Variants in ERC2 observed in about 807,000 individuals in gnomAD.
ERC2 encodes the protein ERC protein 2.
A neutral mutation model predicts 114.8 loss-of-function variants in ERC2; 42 were observed. The ratio of observed to expected loss-of-function variants is 0.37; its 90% confidence interval spans 0.29 to 0.47. The LOEUF (loss-of-function observed/expected upper bound fraction) is 0.47, where lower values mean the gene tolerates loss of function less well. ERC2 is among the 20% of genes least tolerant of loss of function. The pLI is 0.99. For synonymous variants in ERC2, 454 were observed against 425.5 expected (o/e 1.07, Z -0.82); for missense variants, 939 against 1,150.7 (o/e 0.82, Z 2.66).
At chr3:56,026,482 G>T (rs748649243) in intron 7 of ERC2, among the ~76,000 whole-genome samples, 3 of 152,164 alleles carry the variant, frequency 2.0e-5, no homozygotes, top group African/African-American at 7.2e-5. Flanking sequence ...CAGTCAAAAA[G>T]CAGCCTCACA....
intron 7 of ERC2, among the ~76,000 whole-genome samples, chr3:56,053,806 T>A (rs1450292482): frequency 6.6e-6 from 1 of 152,112 alleles, no homozygotes; most frequent in Admixed American, 6.5e-5. Flanking sequence ...TTTTTTTTTT[T>A]AAGTAAAACC....
rs2051932139 is a variant in ERC2 at position 55,509,180 on chromosome 3, G to C, written c.*2136C>G. The C allele has an allele frequency of 6.6e-6, 1 of 152,308 alleles. No homozygotes were observed. The highest frequency in any genetic ancestry group is 1.5e-5 in the Non-Finnish European group (1 of 67,978). The allele number at this position is 152,308 out of a possible 1,614,324, so 9.4% of individuals were successfully genotyped here. ...GGCAGAAAATGATCCCTCCAAACAAGAGCTGTGACAAAATTGGCACATACA... is the reference window on the plus strand; with the variant it reads ...GGCAGAAAATGATCCCTCCAAACAACAGCTGTGACAAAATTGGCACATACA... On this transcript the variant is annotated 3_prime_UTR_variant, in exon 18 of 18. Coordinates refer to ENST00000288221, the MANE Select transcript of ERC2 (RefSeq NM_015576.3).
intron 3 of ERC2, 62 bp from the exon 4 acceptor site, chr3:56,173,582 T>G: frequency 6.7e-7 from 1 of 1,497,706 alleles, no homozygotes; most frequent in Non-Finnish European, 9.3e-7. Context: ...CCACAACCTT[T>G]ACACAGGTAC....
At chr3:55,764,584 C>T (rs1398045500) in intron 14 of ERC2, among the ~76,000 whole-genome samples, 3 of 152,176 alleles carry the variant, frequency 2.0e-5, no homozygotes, top group Admixed American at 6.5e-5. Context: ...TCTTCCTTTT[C>T]CAGACAGAGA....
At chr3:56,194,108 C>T (rs557613917) in intron 3 of ERC2, among the ~76,000 whole-genome samples, 7 of 152,286 alleles carry the variant, frequency 4.6e-5, no homozygotes, top group Admixed American at 4.6e-4. Context: ...GTTTTATTCA[C>T]TGCTATATCC....
At chr3:55,853,836 G>C (rs1480299254) in intron 14 of ERC2, among the ~76,000 whole-genome samples, 1 of 152,154 alleles carries the variant, frequency 6.6e-6, no homozygotes, top group African/African-American at 2.4e-5. Context: ...AGAAGTGGGT[G>C]GTGGTGATGG....
At chr3:56,016,057 G>T (rs574732887) in intron 8 of ERC2, among the ~76,000 whole-genome samples, 11 of 152,250 alleles carry the variant, frequency 7.2e-5, no homozygotes, top group Middle Eastern at 6.8e-3. Context: ...GGGGTTGTTT[G>T]TTTGTTTCTT....
At chr3:56,445,759 C>A (rs757020232) in intron 1 of ERC2, among the ~76,000 whole-genome samples, 1 of 152,114 alleles carries the variant, frequency 6.6e-6, no homozygotes, top group East Asian at 1.9e-4. Flanking sequence ...TGTCTCAGAG[C>A]CTTCACTCCT....
At chr3:56,237,343 C>T (rs548561681) in intron 3 of ERC2, among the ~76,000 whole-genome samples, 1 of 152,226 alleles carries the variant, frequency 6.6e-6, no homozygotes, top group South Asian at 2.1e-4. Context: ...CTAATAGTTG[C>T]TTATACTTTC....
intron 12 of ERC2, among the ~76,000 whole-genome samples, chr3:55,972,398 G>A (rs1251821278): frequency 6.6e-6 from 1 of 152,108 alleles, no homozygotes; most frequent in Non-Finnish European, 1.5e-5. Context: ...ACATGCATTA[G>A]ATATTTGTCC....
intron 17 of ERC2, among the ~76,000 whole-genome samples, chr3:55,521,156 GGTCTC>G (rs1443340591): frequency 6.6e-6 from 1 of 152,152 alleles, no homozygotes; most frequent in African/African-American, 2.4e-5. Context: ...ACTAATTAGG[GGTCTC>G]GTTTGAAGAT....
intron 3 of ERC2, among the ~76,000 whole-genome samples, chr3:56,216,838 A>T (rs1199203961): frequency 2.0e-5 from 3 of 152,302 alleles, no homozygotes; most frequent in South Asian, 2.1e-4. Flanking sequence ...TGGTTCAACA[A>T]ACGCAAATCA....
At chr3:55,802,060 A>G (rs940904159) in intron 14 of ERC2, among the ~76,000 whole-genome samples, 1 of 152,274 alleles carries the variant, frequency 6.6e-6, no homozygotes, top group Non-Finnish European at 1.5e-5. Flanking sequence ...AGAAAACCTC[A>G]GAATAAAATG....
chr3:56,248,946 G>T (rs1362688814), intron 3 of ERC2, among the ~76,000 whole-genome samples: 1 of 152,196 alleles, frequency 6.6e-6, no homozygotes, highest in East Asian at 1.9e-4. Flanking sequence ...TTTTAGACAA[G>T]ATCTTTTTTA....
At chr3:55,621,469 C>A (rs1199426557) in intron 17 of ERC2, among the ~76,000 whole-genome samples, 3 of 152,182 alleles carry the variant, frequency 2.0e-5, no homozygotes, top group African/African-American at 7.2e-5. Context: ...TGAAATATCG[C>A]TTATCTACTA....
At chr3:55,920,446 A>ACACCCC (rs57638674) in intron 13 of ERC2, among the ~76,000 whole-genome samples, 6 of 145,550 alleles carry the variant, frequency 4.1e-5, no homozygotes, top group African/African-American at 1.6e-4. Context: ...ACACACACAC[A>ACACCCC]CCCCAAGTGA....
intron 14 of ERC2, among the ~76,000 whole-genome samples, chr3:55,886,665 G>C (rs2063360647): frequency 6.6e-6 from 1 of 151,892 alleles, no homozygotes; most frequent in South Asian, 2.1e-4. Flanking sequence ...CACATATATT[G>C]ACATTTATAA....
chr3:55,675,873 A>T (rs1218777762), intron 17 of ERC2, among the ~76,000 whole-genome samples: 2 of 135,874 alleles, frequency 1.5e-5, no homozygotes, highest in African/African-American at 5.5e-5. Context: ...TCGTTTAAAA[A>T]CCCTTTCCAT....
At chr3:56,049,632 G>A (rs1397676790) in intron 7 of ERC2, among the ~76,000 whole-genome samples, 1 of 152,134 alleles carries the variant, frequency 6.6e-6, no homozygotes, top group Non-Finnish European at 1.5e-5. Context: ...GAAAAGGCTA[G>A]ATTTGCTTAG....
Sources: allele counts gnomAD v4.1 joint callset (sites outside exome capture counted in the v4.1 genomes callset), GRCh38; gene constraint gnomAD v4.1.1; transcripts MANE v1.5; gene names NCBI Gene and HGNC (gene_info 2026-07-23, HGNC 2026-07-21).